ITFG2: variants seen among roughly 807,000 people sequenced by gnomAD.
The protein encoded by ITFG2 is KICSTOR complex protein ITFG2.
Under a neutral mutation model 54.4 loss-of-function variants are expected in ITFG2, and 36 were observed. The observed-to-expected ratio is 0.66, with a 90% CI of 0.51 to 0.87. The LOEUF is 0.87. Among genes scored for constraint, ITFG2 ranks in the 40% least tolerant of loss-of-function variants. The pLI, the probability that ITFG2 is intolerant of heterozygous loss-of-function variation, is 0.00. For synonymous variants in ITFG2, 211 were observed against 225.4 expected, an observed-to-expected ratio of 0.94 and a Z score of 0.57; for missense variants, 524 against 576.7, an observed-to-expected ratio of 0.91 and a Z score of 0.94.
chr12:2,824,503 GTTGAAAACAGAGAC>G lies in ITFG2; in HGVS notation c.*314_*327del, dbSNP rs869116924. The G allele has an allele frequency of 2.5e-6, 1 of 392,642 alleles. No homozygotes were observed. 24.3% of individuals were successfully genotyped at this position (392,642 alleles called of 1,614,324 possible). On this transcript the variant is annotated 3_prime_UTR_variant, in exon 12 of 12. Transcript: ENST00000228799. ...ATGACCCACTCCCCACTGTCACTGT[GTTGAAAACAGAGAC>G]TTGTTTGTGTGGCCCCAACACCCAT... is the stretch of plus-strand genomic sequence containing the variant.
chr12:2,822,693 C>A, intron 9 of ITFG2, 101 bp from the exon 10 acceptor site: 1 of 989,812 alleles, frequency 1.0e-6, no homozygotes, highest in Non-Finnish European at 1.6e-6. Flanking sequence ...GTTGCGTTTA[C>A]TGCCGAACCC....
intron 10 of ITFG2, among the ~76,000 whole-genome samples, chr12:2,823,188 C>T (rs947194871): frequency 6.6e-6 from 1 of 152,200 alleles, no homozygotes; most frequent in Non-Finnish European, 1.5e-5. Context: ...AAATAAAAGA[C>T]AGTAACATCT....
chr12:2,818,257 T>C lies in ITFG2; in HGVS notation c.386T>C (p.Val129Ala). 6.2e-7 allele frequency: 1 copy of C among 1,613,316 alleles called. No individual in the cohort carries two copies. The highest frequency in any genetic ancestry group is 8.5e-7 in the Non-Finnish European group (1 of 1,180,000). ...CAGCACATCCCTGCCAACACCAAGG[T>C]CATGCTGATCAGCGACATCGGTGGG... ...FKQHIPANTKVMLISDIDGDG... is the reference protein window; with the variant it reads ...FKQHIPANTKAMLISDIDGDG... Residue 129 changes from valine to alanine, a missense_variant, in exon 4 of 12, where the codon GTC becomes GCC. By Grantham distance (64) the Val-to-Ala change is moderately conservative. Coordinates refer to ENST00000228799, the MANE Select transcript of ITFG2 (RefSeq NM_018463.4).
At chr12:2,855,362 G>C in intron 2 of ITFG2, 1 of 1,507,316 alleles carries the variant, frequency 6.6e-7, no homozygotes. Context: ...GTGAAGCCAG[G>C]GAACTCCCAG....
chr12:2,839,137 C>T (rs1475217497), intron 1 of ITFG2, among the ~76,000 whole-genome samples: 1 of 152,024 alleles, frequency 6.6e-6, no homozygotes, highest in Admixed American at 6.6e-5. Context: ...ACTAAAAATA[C>T]AAAAATTAGG....
At chr12:2,848,831 A>G (rs895029794) in intron 2 of ITFG2, among the ~76,000 whole-genome samples, 1 of 150,992 alleles carries the variant, frequency 6.6e-6, no homozygotes, top group Non-Finnish European at 1.5e-5. Flanking sequence ...CTTCTTATCC[A>G]TGTTTCTTAC....
At chr12:2,856,981 A>G (rs1167153376) in intron 2 of ITFG2, 7 of 702,828 alleles carry the variant, frequency 1.0e-5, no homozygotes, top group South Asian at 4.4e-5. Context: ...TCCATATGAG[A>G]TGGGTGACTG....
chr12:2,820,628 G>GACCCC, intron 5 of ITFG2, 96 bp from the exon 6 acceptor site: 1 of 251,778 alleles, frequency 4.0e-6, no homozygotes, highest in Non-Finnish European at 7.9e-6. Context: ...CCCTGCCCCT[G>GACCCC]CCCCCGCCCC....
At chr12:2,841,237 C>T (rs1370339923) in intron 2 of ITFG2, among the ~76,000 whole-genome samples, 1 of 152,250 alleles carries the variant, frequency 6.6e-6, no homozygotes, top group East Asian at 1.9e-4. Context: ...CTCAGTCACC[C>T]TGGCATAGTG....
At chr12:2,821,877 A>G in intron 9 of ITFG2, 85 bp downstream of exon 9, 1 of 981,240 alleles carries the variant, frequency 1.0e-6, no homozygotes. Context: ...CTATTCTCAC[A>G]TCCCAGGGAA....
intron 2 of ITFG2, chr12:2,855,505 G>T: frequency 7.7e-7 from 1 of 1,304,410 alleles, no homozygotes; most frequent in South Asian, 1.9e-5. Context: ...GCAGAAAGGT[G>T]GGTGAGGCAC....
chr12:2,822,650 C>T, intron 9 of ITFG2, 144 bp from the exon 10 acceptor site: 1 of 704,334 alleles, frequency 1.4e-6, no homozygotes, highest in South Asian at 1.7e-5. Flanking sequence ...CCTAGGGTGG[C>T]TGTGAGCATT....
At chr12:2,858,389 A>T (rs915122547) in intron 3 of ITFG2, 7 of 482,658 alleles carry the variant, frequency 1.5e-5, no homozygotes, top group Admixed American at 7.0e-5. Context: ...ATCTCTTTTC[A>T]CCATTGCCTT....
At chr12:2,833,011 C>T (rs566491242), upstream of ITFG2, among the ~76,000 whole-genome samples, 1 of 151,980 alleles carries the variant, frequency 6.6e-6, no homozygotes, top group East Asian at 1.9e-4. Context: ...GGCTTCAGGC[C>T]CCTCCCGCTG....
intron 1 of ITFG2, 132 bp from the exon 2 acceptor site, chr12:2,817,091 C>A: frequency 1.6e-6 from 1 of 622,550 alleles, no homozygotes. Flanking sequence ...TGCACCTGGC[C>A]AGACTTTTAA....
chr12:2,858,178 AG>A (rs1251642019), exon 3 of ITFG2: 1 of 155,728 alleles, frequency 6.4e-6, no homozygotes, highest in Non-Finnish European at 1.4e-5. Flanking sequence ...ACTAAAAGCA[AG>A]GAACAGAAGT....
downstream of ITFG2, chr12:2,828,291 A>C: frequency 1.3e-6 from 2 of 1,556,598 alleles, no homozygotes; most frequent in Non-Finnish European, 1.8e-6. Context: ...CCCCAAAAAG[A>C]AACCCTGTCC....
rs139972581 is a variant in ITFG2 at position 2,840,569 on chromosome 12, G to A, written n.147-273G>A. Reference sequence around the variant, plus strand: ...TGGGAGGCCGAGGCAGGCAGATCACGAGGTCAGGAGATTGAGACCATCCTG... The same window carrying A: ...TGGGAGGCCGAGGCAGGCAGATCACAAGGTCAGGAGATTGAGACCATCCTG... On this transcript the variant is annotated intron_variant and non_coding_transcript_variant, in intron 1 of 3. Coordinates refer to the ITFG2 transcript ENST00000537710. Among the ~76,000 whole-genome samples, 26 of 152,076 alleles carry A rather than the reference G, an allele frequency of 1.7e-4. No homozygotes were observed. The East Asian group carries it at 4.7e-3, about 27-fold the overall frequency.
chr12:2,824,175 C>T lies in ITFG2; in HGVS notation c.1326C>T (p.Ser442=). ...PDQPPQCAPS[S]LQDPT is the part of the protein sequence containing the mutation. Reference sequence around the variant, plus strand: ...AGCCACCACAGTGTGCTCCCTCAAGCCTCCAGGATCCCACCTAGCTGTACT... The same window carrying T: ...AGCCACCACAGTGTGCTCCCTCAAGTCTCCAGGATCCCACCTAGCTGTACT... Residue 442 remains serine, a synonymous_variant, in exon 12 of 12, where the codon AGC becomes AGT. Coordinates refer to ENST00000228799, the MANE Select transcript of ITFG2 (RefSeq NM_018463.4). 1 of 1,614,150 alleles carries T rather than the reference C, an allele frequency of 6.2e-7. No homozygotes were observed. The highest frequency in any genetic ancestry group is 8.5e-7 in the Non-Finnish European group (1 of 1,180,022).
Sources: gnomAD v4.1 joint callset for allele counts (sites outside exome capture counted in the v4.1 genomes callset) on GRCh38, gnomAD v4.1.1 for gene constraint, MANE v1.5 for transcripts, NCBI Gene and HGNC (gene_info 2026-07-23, HGNC 2026-07-21) for gene names.